The following ARRB1 variants were observed in gnomAD, a reference collection of about 807,000 sequenced individuals.
ARRB1 encodes beta-arrestin-1.
Under a neutral mutation model 56.8 loss-of-function variants are expected in ARRB1, and 21 were observed. The ratio of observed to expected loss-of-function variants is 0.37; its 90% CI spans 0.26 to 0.53. The LOEUF (loss-of-function observed/expected upper bound fraction) is 0.53. ARRB1 is among the 20% of genes least tolerant of loss of function. ARRB1 has a pLI of 0.88. For synonymous variants in ARRB1, 210 were observed against 218.6 expected (o/e 0.96, Z 0.35); for missense variants, 424 against 553.7 (o/e 0.77, Z 2.35).
intron 8 of ARRB1, among the ~76,000 whole-genome samples, chr11:75,278,378 C>T (rs759709624): frequency 4.6e-5 from 7 of 152,224 alleles, no homozygotes; most frequent in South Asian, 2.1e-4. Flanking sequence ...CTCCTCACTT[C>T]GGAAGTCCAT....
chr11:75,346,486 C>A (rs531721362), intron 1 of ARRB1, among the ~76,000 whole-genome samples: 299 of 151,864 alleles, frequency 2.0e-3, no homozygotes, highest in Non-Finnish European at 3.3e-3. Flanking sequence ...GGGCCTCACG[C>A]CCTTCCTCCA....
chr11:75,265,964 C>T lies in ARRB1; in HGVS notation c.*199G>A, dbSNP rs1050207537. On this transcript the variant is annotated 3_prime_UTR_variant, in exon 16 of 16. Transcript: ENST00000420843. ...TGGCAGAGATGGGGTGGAGCCAGTG[C>T]GCTGTGGTCCTGTTGGCGTGGTGAT... The T allele has an allele frequency of 2.9e-5, 17 of 587,488 alleles. No individual in the cohort carries two copies. Among genetic ancestry groups the T allele is most frequent in the African/African-American group, 5.6e-5 (3 of 53,604 alleles). The allele number at this position is 587,488 out of a possible 1,614,324, so 36.4% of individuals were successfully genotyped here.
At chr11:75,327,517 G>A (rs951567975) in intron 1 of ARRB1, among the ~76,000 whole-genome samples, 7 of 151,600 alleles carry the variant, frequency 4.6e-5, no homozygotes, top group African/African-American at 1.7e-4. Flanking sequence ...TGTAATCCCA[G>A]CATTTTAGGA....
At chr11:75,271,515 G>A (rs1452045836) in intron 13 of ARRB1, 186 bp downstream of exon 13, 1 of 584,528 alleles carries the variant, frequency 1.7e-6, no homozygotes, top group Non-Finnish European at 3.0e-6. Context: ...ACTCAGGTGG[G>A]ATGGAAGAGC....
At chr11:75,290,843 G>A (rs900681324) in intron 1 of ARRB1, among the ~76,000 whole-genome samples, 1 of 152,178 alleles carries the variant, frequency 6.6e-6, no homozygotes, top group Non-Finnish European at 1.5e-5. Flanking sequence ...GGACTCAAGC[G>A]ATCTGCCCAC....
At chr11:75,272,669 G>A in intron 12 of ARRB1, 1 of 550,312 alleles carries the variant, frequency 1.8e-6, no homozygotes, top group South Asian at 2.1e-5. Context: ...GAGAGAAAGA[G>A]ATGGGTGGGG....
chr11:75,318,528 A>T (rs1035420050), intron 1 of ARRB1, among the ~76,000 whole-genome samples: 2 of 152,166 alleles, frequency 1.3e-5, no homozygotes, highest in African/African-American at 4.8e-5. Context: ...CATCTCTACT[A>T]AAAATACAAA....
At chr11:75,337,595 C>T (rs1315746665) in intron 1 of ARRB1, among the ~76,000 whole-genome samples, 1 of 151,906 alleles carries the variant, frequency 6.6e-6, no homozygotes, top group Non-Finnish European at 1.5e-5. Context: ...TACACATTTG[C>T]CCTCGAGCAG....
chr11:75,280,145 C>A (rs1030318387), intron 7 of ARRB1, among the ~76,000 whole-genome samples: 1 of 152,146 alleles, frequency 6.6e-6, no homozygotes, highest in Non-Finnish European at 1.5e-5. Context: ...AGAGGGGTGG[C>A]TCTCGATGTC....
At chr11:75,330,928 G>A (rs1415691369) in intron 1 of ARRB1, among the ~76,000 whole-genome samples, 3 of 152,192 alleles carry the variant, frequency 2.0e-5, no homozygotes, top group Admixed American at 6.5e-5. Context: ...AAAATATCCC[G>A]TGTCCCCCGT....
chr11:75,341,051 C>T lies in ARRB1; in HGVS notation c.20+10537G>A, dbSNP rs967210497. Among the ~76,000 whole-genome samples, 14 of 151,764 alleles carry T rather than the reference C, an allele frequency of 9.2e-5. 1 individual carries two copies. The highest frequency in any genetic ancestry group is 5.9e-4 in the Admixed American group (9 of 15,250). On this transcript the variant is annotated intron_variant, in intron 1 of 15. Transcript: ENST00000420843. ...ACTCAGCTGTGTACACTACCCTGGACCATGGAAAAGAGGGATGAAAGAGGA... is the reference window on the plus strand; with the variant it reads ...ACTCAGCTGTGTACACTACCCTGGATCATGGAAAAGAGGGATGAAAGAGGA...
chr11:75,299,168 G>T (rs998735618), intron 1 of ARRB1, among the ~76,000 whole-genome samples: 2 of 150,898 alleles, frequency 1.3e-5, no homozygotes. Flanking sequence ...ATACAAACTT[G>T]TGAATATATA....
chr11:75,293,399 C>T (rs1354942990), intron 1 of ARRB1, among the ~76,000 whole-genome samples: 3 of 152,290 alleles, frequency 2.0e-5, no homozygotes, highest in Middle Eastern at 3.4e-3. Context: ...GATAAAACTC[C>T]TCTGACTTCC....
At chr11:75,335,640 G>T (rs540888191) in intron 1 of ARRB1, among the ~76,000 whole-genome samples, 1 of 152,048 alleles carries the variant, frequency 6.6e-6, no homozygotes, top group Non-Finnish European at 1.5e-5. Context: ...GCCTGCGGAG[G>T]TCTGCTGCTC....
chr11:75,265,358 G>A lies in ARRB1; in HGVS notation c.*805C>T, dbSNP rs1386654139. The A allele has an allele frequency of 6.6e-6, 1 of 152,330 alleles. No homozygotes were observed. Among genetic ancestry groups the A allele is most frequent in the African/African-American group, 2.4e-5 (1 of 41,422 alleles). The allele number at this position is 152,330 out of a possible 1,614,324, so 9.4% of individuals were successfully genotyped here. A position where few individuals can be genotyped will look rare whatever the true frequency, so the allele number is the denominator to read the frequency against. On this transcript the variant is annotated 3_prime_UTR_variant, in exon 16 of 16. Transcript: ENST00000420843. Reference sequence around the variant, plus strand: ...ACTCTGCTGGGGGCTGGTGCTTGCTGAAGACCCCCTCCCTCCCTCCCTCTG... The same window carrying A: ...ACTCTGCTGGGGGCTGGTGCTTGCTAAAGACCCCCTCCCTCCCTCCCTCTG...
chr11:75,330,886 A>G (rs368862234), intron 1 of ARRB1, among the ~76,000 whole-genome samples: 1 of 152,256 alleles, frequency 6.6e-6, no homozygotes, highest in East Asian at 1.9e-4. Context: ...GCTGGACTTT[A>G]GAGAAAAAGA....
In ARRB1 at chr11:75,274,607, A is replaced by C. The variant is rs1309224255; in HGVS notation, c.777-396T>G. On this transcript the variant is annotated intron_variant, in intron 10 of 15. Transcript: ENST00000420843. ...GAGTTGGAGACCATCCTGGCTAACAAGGTGAAACCCCGTCTCTACTAAAAA... is the reference window on the plus strand; with the variant it reads ...GAGTTGGAGACCATCCTGGCTAACACGGTGAAACCCCGTCTCTACTAAAAA... 3 of 163,666 alleles carry C rather than the reference A, an allele frequency of 1.8e-5. No individual in the cohort carries two copies. In the South Asian group the frequency reaches 4.7e-4, roughly 26 times the overall value. The allele number at this position is 163,666 out of a possible 1,614,324, so 10.1% of individuals were successfully genotyped here.
In ARRB1 at chr11:75,266,243, G is replaced by C; in HGVS notation, c.1177C>G (p.Arg393Gly). 1 of 1,614,118 alleles carries C rather than the reference G, an allele frequency of 6.2e-7. No homozygotes were observed. The highest frequency in any genetic ancestry group is 8.5e-7 in the Non-Finnish European group (1 of 1,180,028). ...TCCTTCATGCCTTTCAGTCTCTGGC[G>C]AGCAAAGTCCTCAAATACAATGTCG... ...DDDIVFEDFA[R>G]QRLKGMKDDK... The change falls in exon 16 of 16, where the codon CGC (arginine) becomes GGC (glycine). Residue 393 changes from arginine (R) to glycine (G), a missense_variant. Coordinates refer to ENST00000420843, the MANE Select transcript of ARRB1 (RefSeq NM_004041.5).
At chr11:75,269,365 G>C (rs1424851469) in intron 13 of ARRB1, among the ~76,000 whole-genome samples, 2 of 152,018 alleles carry the variant, frequency 1.3e-5, no homozygotes, top group African/African-American at 4.8e-5. Flanking sequence ...CCAACTTCCA[G>C]GTCGGAGCTC....
Sources: gnomAD v4.1 joint callset for allele counts (sites outside exome capture counted in the v4.1 genomes callset) on GRCh38, gnomAD v4.1.1 for gene constraint, MANE v1.5 for transcripts, NCBI Gene and HGNC (gene_info 2026-07-23, HGNC 2026-07-21) for gene names.